The following ZNF585A variants were observed in gnomAD, a reference collection of about 807,000 sequenced individuals.
ZNF585A encodes the protein zinc finger protein 585A.
A neutral mutation model predicts 14.9 loss-of-function variants in ZNF585A; 9 were observed. The ratio of observed to expected loss-of-function variants is 0.60; its 90% CI spans 0.36 to 1.05. ZNF585A has a LOEUF of 1.05. ZNF585A is among the 50% of genes least tolerant of loss of function. The pLI, the probability that ZNF585A is intolerant of heterozygous loss-of-function variation, is 0.01. For missense variants in ZNF585A, 726 were observed against 926.4 expected, an observed-to-expected ratio of 0.78 and a Z score of 2.81; for synonymous variants, 276 against 319.9, an observed-to-expected ratio of 0.86 and a Z score of 1.46.
intron 2 of ZNF585A, among the ~76,000 whole-genome samples, chr19:37,167,423 T>C (rs1245656829): frequency 6.6e-6 from 1 of 152,064 alleles, no homozygotes; most frequent in Non-Finnish European, 1.5e-5. Flanking sequence ...TTCGCCCACA[T>C]TGGCCTCCCA....
chr19:37,156,271 G>T lies in ZNF585A; in HGVS notation c.157C>A (p.Arg53=). Residue 53 remains arginine (R), a synonymous_variant, in exon 3 of 5, where the codon CGG becomes AGG. Transcript: ENST00000292841. ...HLDPSQRNLY[R]DVMLETYSHL... ...CTGTAGGTCTCCAGCATCACATCCC[G>T]GTACAGGTTTCTCTGAGAAGGGTCC... 1 of 1,614,090 alleles carries T rather than the reference G, an allele frequency of 6.2e-7. No homozygotes were observed. The highest frequency in any genetic ancestry group is 1.1e-5 in the South Asian group (1 of 91,070).
intron 2 of ZNF585A, among the ~76,000 whole-genome samples, chr19:37,156,579 T>C (rs1379648060): frequency 6.6e-6 from 1 of 152,254 alleles, no homozygotes; most frequent in Non-Finnish European, 1.5e-5. Flanking sequence ...GGATCAATCA[T>C]TAACACTTTA....
intron 4 of ZNF585A, among the ~76,000 whole-genome samples, chr19:37,154,712 A>C (rs1971895322): frequency 6.6e-6 from 1 of 151,872 alleles, no homozygotes. Flanking sequence ...GACTGGGAAG[A>C]AGTAAGAAAT....
At chr19:37,170,766 G>A (rs577548910) in intron 1 of ZNF585A, among the ~76,000 whole-genome samples, 113 of 152,288 alleles carry the variant, frequency 7.4e-4, no homozygotes, top group African/African-American at 2.4e-3. Flanking sequence ...GAGCCACTGC[G>A]CCCAGCCATT....
chr19:37,165,582 A>G (rs1325734656), intron 2 of ZNF585A: 1 of 948,474 alleles, frequency 1.1e-6, no homozygotes, highest in Non-Finnish European at 1.3e-6. Flanking sequence ...CACTAATCCC[A>G]GTAAAAACCT....
Position 37,170,061 on chromosome 19 carries a change from A to G in ZNF585A, c.-144-7T>C. 3.8e-6 allele frequency: 3 copies of G among 794,286 alleles called. No homozygotes were observed. The highest frequency in any genetic ancestry group is 2.0e-6 in the Non-Finnish European group (1 of 507,626). 49.2% of individuals were successfully genotyped at this position (794,286 alleles called of 1,614,324 possible). ...CCCAGAGACACCCAGAAACCTGGAA[A>G]GACAATGTTCCCATAGTCAGTCATT... On this transcript the variant is annotated splice_polypyrimidine_tract_variant and splice_region_variant and intron_variant, in intron 1 of 4. Transcript: ENST00000292841.
intron 4 of ZNF585A, among the ~76,000 whole-genome samples, 197 bp from the exon 5 acceptor site, chr19:37,153,803 T>C (rs1270226305): frequency 6.6e-6 from 1 of 152,228 alleles, no homozygotes; most frequent in African/African-American, 2.4e-5. Flanking sequence ...ATTTTTCTAC[T>C]ATCCTTATAG....
chr19:37,151,995 A>C lies in ZNF585A; in HGVS notation c.1904T>G (p.Val635Gly). The C allele has an allele frequency of 6.2e-7, 1 of 1,613,978 alleles. No homozygotes were observed. The highest frequency in any genetic ancestry group is 8.5e-7 in the Non-Finnish European group (1 of 1,180,004). ...QPVHTGEKPY[V>G]CAECGKAFSG... ...AAAGGCCTTCCCGCACTCGGCACAC[A>C]CATAGGGTTTCTCTCCTGTGTGAAC... Residue 635 changes from valine (V) to glycine (G), a missense_variant, in exon 5 of 5, where the codon GTG becomes GGG. By Grantham distance (109) the Val-to-Gly change is moderately radical. Around this residue, in one of 2 missense-constraint regions of ZNF585A, gnomAD observed 243 missense variants for 383.6 expected, o/e 0.63. Coordinates refer to ENST00000292841, the MANE Select transcript of ZNF585A (RefSeq NM_001288800.2).
rs147303864 is a variant in ZNF585A, at chr19:37,168,788, T to C, written c.72+1051A>G. ...ATGCCTACTGCTACATAGTTCATAATATGAGCTGTATTTTACCAAACAAAT... is the reference window on the plus strand; with the variant it reads ...ATGCCTACTGCTACATAGTTCATAACATGAGCTGTATTTTACCAAACAAAT... On this transcript the variant is annotated intron_variant, in intron 2 of 4. Transcript: ENST00000292841. Among the ~76,000 whole-genome samples, 1,107 of 152,348 alleles carry C rather than the reference T, an allele frequency of 7.3e-3. 5 individuals are homozygous for C. Among genetic ancestry groups the C allele is most frequent in the Non-Finnish European group, 0.011 (741 of 68,020 alleles).
In ZNF585A at chr19:37,151,716, G is replaced by C. The variant is rs1329319418; in HGVS notation, c.2183C>G (p.Thr728Ser). Reference protein sequence around the residue: ...YVCAECGKAFTDRSNLNKHQT... With the variant: ...YVCAECGKAFSDRSNLNKHQT... Reference sequence around the variant, plus strand: ...ATGTTTATTCAAATTGGACCTGTCAGTAAAGGCCTTCCCACACTCAGCACA... The same window carrying C: ...ATGTTTATTCAAATTGGACCTGTCACTAAAGGCCTTCCCACACTCAGCACA... The change falls in exon 5 of 5, where the codon ACT (threonine) becomes AGT (serine). Residue 728 changes from threonine (T) to serine (S), a missense_variant. Around this residue, in one of 2 missense-constraint regions of ZNF585A, gnomAD observed 243 missense variants for 383.6 expected, o/e 0.63. Transcript: ENST00000292841. 3 of 1,613,796 alleles carry C rather than the reference G, an allele frequency of 1.9e-6. No individual in the cohort carries two copies. The highest frequency in any genetic ancestry group is 1.1e-5 in the South Asian group (1 of 91,050).
At chr19:37,160,197 G>A (rs907109935) in intron 2 of ZNF585A, among the ~76,000 whole-genome samples, 2 of 151,584 alleles carry the variant, frequency 1.3e-5, no homozygotes, top group African/African-American at 4.8e-5. Context: ...GCCAGGTGTG[G>A]TAGTGTGCAC....
intron 2 of ZNF585A, among the ~76,000 whole-genome samples, chr19:37,157,429 A>G (rs1269432945): frequency 6.6e-6 from 1 of 152,254 alleles, no homozygotes; most frequent in African/African-American, 2.4e-5. Flanking sequence ...CTTGGAAAAT[A>G]AATCAGACTG....
intron 4 of ZNF585A, among the ~76,000 whole-genome samples, chr19:37,154,784 C>T (rs1415474499): frequency 1.4e-5 from 2 of 138,792 alleles, no homozygotes; most frequent in African/African-American, 5.5e-5. Flanking sequence ...AGCTCTGAGG[C>T]ATCTCACAGT....
chr19:37,149,926 G>A lies in ZNF585A; in HGVS notation c.*1663C>T, dbSNP rs1308668899. 1 of 152,216 alleles carries A rather than the reference G, an allele frequency of 6.6e-6. No homozygotes were observed. Among genetic ancestry groups the A allele is most frequent in the Non-Finnish European group, 1.5e-5 (1 of 68,116 alleles). 9.4% of individuals were successfully genotyped at this position (152,216 alleles called of 1,614,324 possible). A position where few individuals can be genotyped will look rare whatever the true frequency, so the allele number is the denominator to read the frequency against. On this transcript the variant is annotated 3_prime_UTR_variant, in exon 5 of 5. Transcript: ENST00000292841. The stretch of plus-strand genomic sequence containing the variant: ...TCTTGGGGGAAGTACAGTAGCCAAG[G>A]GTGACTAAGGAACCGCATGAAGCAA...
rs750429570 is a variant in ZNF585A, at chr19:37,153,131, T to C, written c.768A>G (p.Thr256=). Residue 256 remains threonine (T), a synonymous_variant, in exon 5 of 5, where the codon ACA becomes ACG. Coordinates refer to ENST00000292841, the MANE Select transcript of ZNF585A (RefSeq NM_001288800.2). ...DCGKAFTQKS[T]LKMHQKIHTG... ...TATGGATTTTCTGATGCATCTTGAGTGTGGACTTTTGTGTGAATGCTTTGC... is the reference window on the plus strand; with the variant it reads ...TATGGATTTTCTGATGCATCTTGAGCGTGGACTTTTGTGTGAATGCTTTGC... 7.4e-6 allele frequency: 12 copies of C among 1,614,022 alleles called. No individual in the cohort carries two copies. The highest frequency in any genetic ancestry group is 3.3e-4 in the Middle Eastern group (2 of 6,084).
chr19:37,158,436 A>G (rs1420601949), intron 2 of ZNF585A, among the ~76,000 whole-genome samples: 1 of 152,238 alleles, frequency 6.6e-6, no homozygotes, highest in East Asian at 1.9e-4. Flanking sequence ...TACACTACTT[A>G]TGAAGTATTC....
chr19:37,169,435 TAAA>T (rs749236930), intron 2 of ZNF585A, among the ~76,000 whole-genome samples: 2 of 96,450 alleles, frequency 2.1e-5, no homozygotes, highest in African/African-American at 4.0e-5. Flanking sequence ...AACAGAAATG[TAAA>T]AAAAAAAAAA....
At chr19:37,166,519 G>A (rs975783459) in intron 2 of ZNF585A, among the ~76,000 whole-genome samples, 5 of 149,582 alleles carry the variant, frequency 3.3e-5, no homozygotes, top group African/African-American at 4.9e-5. Context: ...CCACCACGTT[G>A]GCCAGGATGG....
At chr19:37,156,496 T>C in intron 2 of ZNF585A, 141 bp from the exon 3 acceptor site, 1 of 1,186,292 alleles carries the variant, frequency 8.4e-7, no homozygotes, top group Non-Finnish European at 1.1e-6. Context: ...CTCTAATACT[T>C]TATTATGAAA....
Sources: gnomAD v4.1 joint callset for allele counts (sites outside exome capture counted in the v4.1 genomes callset) on GRCh38, gnomAD v4.1.1 for gene constraint, gnomAD v4.1.1 regional missense constraint, MANE v1.5 for transcripts, NCBI Gene and HGNC (gene_info 2026-07-23, HGNC 2026-07-21) for gene names.